The following GOLM1 variants were observed in gnomAD, a reference collection of about 807,000 sequenced individuals.
The protein encoded by GOLM1 is golgi membrane protein 1.
GOLM1 carries 31 observed loss-of-function variants against 50.5 expected under a neutral mutation model. The observed-to-expected ratio is 0.61, with a 90% CI of 0.46 to 0.83. The LOEUF (loss-of-function observed/expected upper bound fraction) is 0.83, where lower values mean the gene tolerates loss of function less well. GOLM1 is among the 40% of genes least tolerant of loss of function. GOLM1 has a pLI of 0.00. For missense variants in GOLM1, 491 were observed against 501.3 expected (o/e 0.98, Z 0.20); for synonymous variants, 178 against 192.8 (o/e 0.92, Z 0.64).
chr9:86,040,804 T>C lies in GOLM1; in HGVS notation c.532A>G (p.Thr178Ala). The C allele has an allele frequency of 6.2e-7, 1 of 1,613,750 alleles. No individual in the cohort carries two copies. The change falls in exon 6 of 10, where the codon ACC becomes GCC. Residue 178 changes from threonine to alanine, a missense_variant. Physicochemically the swap from Thr to Ala is moderately conservative, Grantham distance 58. Transcript: ENST00000388712. The stretch of plus-strand genomic sequence containing the variant: ...GCTACAGCTTCATTCCCCTTTTTGG[T>C]GACCTCTTCTATTCGCTCCTCACAC... Reference protein sequence around the residue: ...EQCEERIEEVTKKGNEAVASR... With the variant: ...EQCEERIEEVAKKGNEAVASR...
intron 1 of GOLM1, 36 bp from the exon 2 acceptor site, chr9:86,079,377 TA>T: frequency 6.7e-7 from 1 of 1,494,438 alleles, no homozygotes; most frequent in Non-Finnish European, 9.1e-7. Flanking sequence ...ACATCAATAC[TA>T]GTTTTATCAT....
At chr9:86,045,431 G>A (rs1204737102) in intron 5 of GOLM1, among the ~76,000 whole-genome samples, 1 of 152,146 alleles carries the variant, frequency 6.6e-6, no homozygotes, top group Non-Finnish European at 1.5e-5. Context: ...CCAGCACTTT[G>A]GGAGGCCAAG....
chr9:86,098,848 G>T (rs1311670690), intron 1 of GOLM1, among the ~76,000 whole-genome samples: 1 of 152,168 alleles, frequency 6.6e-6, no homozygotes, highest in Non-Finnish European at 1.5e-5. Context: ...GACGCGCGGC[G>T]GGAGGACCCG....
intron 3 of GOLM1, among the ~76,000 whole-genome samples, chr9:86,074,305 G>GAGCTAGTTAGAAC (rs1834543162): frequency 6.6e-6 from 1 of 151,182 alleles, no homozygotes; most frequent in South Asian, 2.1e-4. Context: ...GCCCATCCAT[G>GAGCTAGTTAGAAC]TAGCCAAAAT....
At position 86,077,310 on chromosome 9, in the gene GOLM1, A is replaced by C. The variant is rs562873980; in HGVS notation, c.309+102T>G. 60 of 923,856 alleles carry C rather than the reference A, an allele frequency of 6.5e-5. No individual in the cohort carries two copies. In the African/African-American group the frequency reaches 8.3e-4, roughly 13 times the overall value. 57.2% of individuals were successfully genotyped at this position (923,856 alleles called of 1,614,324 possible). The stretch of plus-strand genomic sequence containing the variant: ...TAGGCTCTTTCCACATAATTACATA[A>C]ATCTAAACCCAGCCGCTTGCTCATC... On this transcript the variant is annotated intron_variant, in intron 3 of 9. Coordinates refer to ENST00000388712, the MANE Select transcript of GOLM1 (RefSeq NM_016548.4).
At chr9:86,081,194 A>T (rs1834772519) in intron 1 of GOLM1, among the ~76,000 whole-genome samples, 2 of 133,700 alleles carry the variant, frequency 1.5e-5, no homozygotes, top group African/African-American at 2.8e-5. Context: ...AGCCTCAATG[A>T]TTTTTTTTTT....
chr9:86,095,336 C>T (rs1042398013), intron 1 of GOLM1, among the ~76,000 whole-genome samples: 2 of 151,786 alleles, frequency 1.3e-5, no homozygotes, highest in Non-Finnish European at 2.9e-5. Flanking sequence ...TCAAGTGATT[C>T]GAATGTCTCA....
chr9:86,062,167 C>T (rs963545253), intron 3 of GOLM1, among the ~76,000 whole-genome samples: 8 of 152,154 alleles, frequency 5.3e-5, no homozygotes, highest in Non-Finnish European at 1.0e-4. Flanking sequence ...TGCAGCTTGG[C>T]GGGTGTGGGA....
chr9:86,067,218 C>A lies in GOLM1; in HGVS notation c.309+10194G>T, dbSNP rs73478733. On this transcript the variant is annotated intron_variant, in intron 3 of 9. Transcript: ENST00000388712. ...GGGATTACAGGTATCAGCCACCATGCCTGGCCCAGACCCAAATTATTAATC... is the reference window on the plus strand; with the variant it reads ...GGGATTACAGGTATCAGCCACCATGACTGGCCCAGACCCAAATTATTAATC... 6.5e-3 allele frequency among the ~76,000 whole-genome samples: 994 copies of A among 152,300 alleles called. 11 individuals are homozygous for A. The highest frequency in any genetic ancestry group is 0.023 in the African/African-American group (960 of 41,560).
Position 86,027,494 on chromosome 9 carries a change from G to A in GOLM1, c.*323C>T. The A allele has an allele frequency of 8.9e-7, 1 of 1,127,246 alleles. No individual in the cohort carries two copies. Among genetic ancestry groups the A allele is most frequent in the Non-Finnish European group, 1.1e-6 (1 of 919,506 alleles). 69.8% of individuals were successfully genotyped at this position (1,127,246 alleles called of 1,614,324 possible). A position where few individuals can be genotyped will look rare whatever the true frequency, so the allele number is the denominator to read the frequency against. ...ATAGGTGGCTGTTAATTTACACAAA[G>A]TTATATTCCAGAATCAGGAAGCCCC... On this transcript the variant is annotated 3_prime_UTR_variant, in exon 10 of 10. Transcript: ENST00000388712.
chr9:86,046,306 G>C (rs747239159), intron 5 of GOLM1, among the ~76,000 whole-genome samples, 164 bp downstream of exon 5: 1 of 152,200 alleles, frequency 6.6e-6, no homozygotes, highest in Admixed American at 6.5e-5. Context: ...TGGCCTCCTT[G>C]TGCATTTGTG....
chr9:86,099,425 C>T lies in GOLM1; in HGVS notation c.-36G>A, dbSNP rs1835461511. The T allele has an allele frequency of 6.6e-6, 1 of 151,192 alleles. No individual in the cohort carries two copies. The highest frequency in any genetic ancestry group is 1.5e-5 in the Non-Finnish European group (1 of 67,440). 9.4% of individuals were successfully genotyped at this position (151,192 alleles called of 1,614,324 possible). ...CGCCCACTCACCTCTTTTCGAGGCT[C>T]CGGCCGCCACTCGGGGATCCGGGGC... On this transcript the variant is annotated 5_prime_UTR_variant, in exon 1 of 10. Transcript: ENST00000388712.
chr9:86,082,552 C>CA (rs1834817619), intron 1 of GOLM1, among the ~76,000 whole-genome samples: 3 of 151,848 alleles, frequency 2.0e-5, no homozygotes, highest in Admixed American at 1.3e-4. Flanking sequence ...GTGATCCTCC[C>CA]ACTTCAGCTT....
intron 1 of GOLM1, among the ~76,000 whole-genome samples, chr9:86,089,755 G>A (rs566288220): frequency 6.6e-6 from 1 of 152,200 alleles, no homozygotes; most frequent in Admixed American, 6.5e-5. Context: ...GCCTACTTCT[G>A]TCAGTTCATC....
chr9:86,071,107 G>A lies in GOLM1; in HGVS notation c.309+6305C>T, dbSNP rs372945535. On this transcript the variant is annotated intron_variant, in intron 3 of 9. Coordinates refer to ENST00000388712, the MANE Select transcript of GOLM1 (RefSeq NM_016548.4). ...CACACACACACACACACACACACACGTATATTTAGAAACAGGGTCTCGCTC... is the reference window on the plus strand; with the variant it reads ...CACACACACACACACACACACACACATATATTTAGAAACAGGGTCTCGCTC... Among the ~76,000 whole-genome samples the A allele has an allele frequency of 6.5e-3, 609 of 93,744 alleles. 6 individuals are homozygous for A. Among genetic ancestry groups the A allele is most frequent in the African/African-American group, 0.032 (584 of 18,118 alleles). 61.5% of individuals were successfully genotyped at this position (93,744 alleles called of 152,430 possible). A position where few individuals can be genotyped will look rare whatever the true frequency, so the allele number is the denominator to read the frequency against.
intron 1 of GOLM1, among the ~76,000 whole-genome samples, chr9:86,095,850 T>C (rs1022436621): frequency 5.9e-5 from 9 of 152,228 alleles, no homozygotes; most frequent in Non-Finnish European, 8.8e-5. Context: ...TGATATTAGA[T>C]GTCAGTTTAG....
chr9:86,039,093 C>A lies in GOLM1; in HGVS notation c.597+1646G>T, dbSNP rs1587699817. Among the ~76,000 whole-genome samples, 3 of 152,032 alleles carry A rather than the reference C, an allele frequency of 2.0e-5. 1 individual carries two copies. Among genetic ancestry groups the A allele is most frequent in the South Asian group, 4.1e-4 (2 of 4,826 alleles). The stretch of plus-strand genomic sequence containing the variant: ...ATAAAATAGATTTTAAAAACTCTTA[C>A]AATTCAATAATAAAAATAACTCAAT... On this transcript the variant is annotated intron_variant, in intron 6 of 9. Coordinates refer to ENST00000388712, the MANE Select transcript of GOLM1 (RefSeq NM_016548.4).
intron 4 of GOLM1, among the ~76,000 whole-genome samples, chr9:86,050,078 C>G (rs1381376635): frequency 7.2e-5 from 11 of 152,082 alleles, no homozygotes. Flanking sequence ...GCATGAAGGG[C>G]TGTTGAATTT....
intron 9 of GOLM1, among the ~76,000 whole-genome samples, chr9:86,029,095 G>A (rs1832887124): frequency 6.6e-6 from 1 of 151,950 alleles, no homozygotes; most frequent in Non-Finnish European, 1.5e-5. Context: ...CTGACCTCGT[G>A]ATCCGCCCGC....
Sources: gnomAD v4.1 joint callset for allele counts (sites outside exome capture counted in the v4.1 genomes callset) on GRCh38, gnomAD v4.1.1 for gene constraint, MANE v1.5 for transcripts, NCBI Gene and HGNC (gene_info 2026-07-23, HGNC 2026-07-21) for gene names.